UNC79: variants seen among roughly 807,000 people sequenced by gnomAD.
UNC79 encodes unc-79 subunit of NALCN channel complex.
A neutral mutation model predicts 283.1 loss-of-function variants in UNC79; 37 were observed. That is an observed-to-expected ratio of 0.13 (90% CI 0.10 to 0.17). The LOEUF (loss-of-function observed/expected upper bound fraction) is 0.17. UNC79 is among the 10% of genes least tolerant of loss of function. UNC79 has a pLI of 1.00. For missense variants in UNC79, 2,272 were observed against 3,211.1 expected (o/e 0.71, Z 7.07); for synonymous variants, 1,107 against 1,200.2 (o/e 0.92, Z 1.61).
chr14:93,632,311 A>T (rs1237992143), intron 31 of UNC79, among the ~76,000 whole-genome samples: 1 of 152,252 alleles, frequency 6.6e-6, no homozygotes, highest in Non-Finnish European at 1.5e-5. Flanking sequence ...TTATTACAAA[A>T]ATCTGTTAGA....
intron 1 of UNC79, among the ~76,000 whole-genome samples, chr14:93,397,436 C>T (rs2055021022): frequency 6.6e-6 from 1 of 152,180 alleles, no homozygotes; most frequent in Non-Finnish European, 1.5e-5. Context: ...AAAGAAACCC[C>T]AACTTGATCC....
intron 1 of UNC79, chr14:93,347,981 T>C (rs1441154751): frequency 8.6e-7 from 1 of 1,157,152 alleles, no homozygotes; most frequent in Admixed American, 1.7e-5. Context: ...AGCAAGTCAC[T>C]GGCCTAGGAA....
intron 2 of UNC79, among the ~76,000 whole-genome samples, chr14:93,470,073 G>A (rs918254333): frequency 1.1e-3 from 1 of 924 alleles, no homozygotes; most frequent in Non-Finnish European, 4.4e-3. Context: ...TCAGAACTCA[G>A]GTTCTTGGGG....
chr14:93,540,648 G>A lies in UNC79; in HGVS notation c.1353-12G>A. 1 of 1,610,030 alleles carries A rather than the reference G, an allele frequency of 6.2e-7. No homozygotes were observed. On this transcript the variant is annotated splice_polypyrimidine_tract_variant and intron_variant, in intron 12 of 48. Coordinates refer to ENST00000555664, the Ensembl canonical transcript of UNC79. ...TCACAGTCTAACTTGAAATCACACTGCTCTTTGGCAGCTTGTTGAAAGAAG... is the reference window on the plus strand; with the variant it reads ...TCACAGTCTAACTTGAAATCACACTACTCTTTGGCAGCTTGTTGAAAGAAG...
intron 1 of UNC79, among the ~76,000 whole-genome samples, chr14:93,416,964 ACCCTTTATC>A (rs1275705740): frequency 6.6e-6 from 1 of 152,140 alleles, no homozygotes; most frequent in Non-Finnish European, 1.5e-5. Context: ...ATGGGTCTTG[ACCCTTTATC>A]CAATTTGCTA....
At chr14:93,695,413 G>A (rs1156343197) in intron 47 of UNC79, among the ~76,000 whole-genome samples, 1 of 152,164 alleles carries the variant, frequency 6.6e-6, no homozygotes, top group African/African-American at 2.4e-5. Flanking sequence ...AAGATCATTG[G>A]TTCAAATGGG....
At chr14:93,484,504 G>GGCATTGTT (rs748039803) in intron 4 of UNC79, among the ~76,000 whole-genome samples, 116 of 152,302 alleles carry the variant, frequency 7.6e-4, no homozygotes, top group African/African-American at 2.7e-3. Flanking sequence ...AACATATTAA[G>GGCATTGTT]GCATTGTTAC....
rs1430258420 is a variant in UNC79 at position 93,583,331 on chromosome 14, AT to A, written c.2803+988del. 6.5e-4 allele frequency among the ~76,000 whole-genome samples: 99 copies of A among 151,802 alleles called. 2 individuals carry two copies. The highest frequency in any genetic ancestry group is 2.1e-3 in the African/African-American group (88 of 41,396). On this transcript the variant is annotated intron_variant, in intron 20 of 48. Transcript: ENST00000555664. The stretch of plus-strand genomic sequence containing the variant: ...GAAACTCTGCTCAAAAAAAAAAAAA[AT>A]AATAAATAAATAAAGAATAGCTTGC...
At chr14:93,670,055 G>A (rs2072666662) in intron 40 of UNC79, among the ~76,000 whole-genome samples, 1 of 152,192 alleles carries the variant, frequency 6.6e-6, no homozygotes, top group Admixed American at 6.5e-5. Flanking sequence ...CACTTGCAAT[G>A]TGCTGTTGTT....
intron 1 of UNC79, among the ~76,000 whole-genome samples, chr14:93,463,991 T>C (rs139157831): frequency 1.9e-3 from 294 of 151,916 alleles, no homozygotes; most frequent in African/African-American, 6.9e-3. Context: ...CTACTAAAAT[T>C]ACAAAAAATT....
At chr14:93,527,988 A>C (rs1056665339) in intron 8 of UNC79, among the ~76,000 whole-genome samples, 2 of 152,060 alleles carry the variant, frequency 1.3e-5, no homozygotes, top group Non-Finnish European at 2.9e-5. Context: ...AAAAAAAAAA[A>C]AACACATGAA....
At chr14:93,404,493 A>AAAAAAAAAAAAAAAATAT in intron 1 of UNC79, among the ~76,000 whole-genome samples, 1 of 61,512 alleles carries the variant, frequency 1.6e-5, no homozygotes, top group African/African-American at 6.7e-5. Context: ...TTCTAAAAAA[A>AAAAAAAAAAAAAAAATAT]ATATATATAT....
chr14:93,379,819 T>A (rs918601706), intron 1 of UNC79, among the ~76,000 whole-genome samples: 3 of 152,038 alleles, frequency 2.0e-5, no homozygotes, highest in Non-Finnish European at 4.4e-5. Context: ...AACTTTTCCA[T>A]GTAACCAAAA....
At chr14:93,668,017 G>A (rs2072405827) in intron 40 of UNC79, among the ~76,000 whole-genome samples, 1 of 152,138 alleles carries the variant, frequency 6.6e-6, no homozygotes, top group Non-Finnish European at 1.5e-5. Flanking sequence ...ACTTCATATA[G>A]TGGGTCTACC....
chr14:93,576,956 G>A (rs2141680191), intron 17 of UNC79, among the ~76,000 whole-genome samples: 1 of 151,858 alleles, frequency 6.6e-6, no homozygotes, highest in South Asian at 2.1e-4. Context: ...GACCAGCCTG[G>A]GCCACATAAT....
At chr14:93,441,334 T>G (rs1317131204) in intron 1 of UNC79, among the ~76,000 whole-genome samples, 1 of 152,098 alleles carries the variant, frequency 6.6e-6, no homozygotes, top group Non-Finnish European at 1.5e-5. Flanking sequence ...GTTTTAGATG[T>G]GTCTCTTGTA....
At chr14:93,506,508 C>T (rs1165359967) in intron 7 of UNC79, among the ~76,000 whole-genome samples, 1 of 152,062 alleles carries the variant, frequency 6.6e-6, no homozygotes. Context: ...TTCATTGTTT[C>T]TATAAAAAAT....
At chr14:93,604,832 T>C in intron 26 of UNC79, 64 bp from the exon 27 acceptor site, 1 of 1,466,478 alleles carries the variant, frequency 6.8e-7, no homozygotes, top group Non-Finnish European at 9.1e-7. Flanking sequence ...TAGCACTGAG[T>C]ATATTTTCTA....
chr14:93,340,483 G>C (rs2053683991), intron 1 of UNC79, among the ~76,000 whole-genome samples: 1 of 149,302 alleles, frequency 6.7e-6, no homozygotes, highest in Non-Finnish European at 1.5e-5. Context: ...CCTATGACTG[G>C]CCTGGCCAAA....
Sources: gnomAD v4.1 joint callset for allele counts (sites outside exome capture counted in the v4.1 genomes callset) on GRCh38, gnomAD v4.1.1 for gene constraint, MANE v1.5 for transcripts, NCBI Gene and HGNC (gene_info 2026-07-23, HGNC 2026-07-21) for gene names.